Variants in RAP1GAP2 observed in about 807,000 individuals in gnomAD.
The protein encoded by RAP1GAP2 is RAP1 GTPase activating protein 2.
Under a neutral mutation model 95.0 loss-of-function variants are expected in RAP1GAP2, and 27 were observed. The ratio of observed to expected loss-of-function variants is 0.28; its 90% CI spans 0.21 to 0.39. The LOEUF (loss-of-function observed/expected upper bound fraction) is 0.39, where lower values mean the gene tolerates loss of function less well. Ranked by LOEUF, RAP1GAP2 falls within the 10% of genes least tolerant of loss-of-function variation. The probability of loss-of-function intolerance (pLI) is 1.00; values close to 1 mark genes in which losing one functional copy is unlikely to be tolerated. For synonymous variants in RAP1GAP2, 373 were observed against 380.9 expected (o/e 0.98, Z 0.24); for missense variants, 771 against 970.0 (o/e 0.79, Z 2.72).
intron 19 of RAP1GAP2, among the ~76,000 whole-genome samples, chr17:3,021,573 C>T (rs1555602824): frequency 6.6e-6 from 1 of 151,852 alleles, no homozygotes; most frequent in Non-Finnish European, 1.5e-5. Flanking sequence ...GCAGCTGGGA[C>T]TACAGGCGCA....
intron 2 of RAP1GAP2, among the ~76,000 whole-genome samples, chr17:2,832,430 C>T (rs568264108): frequency 2.1e-5 from 3 of 145,126 alleles, no homozygotes; most frequent in East Asian, 4.2e-4. Context: ...TTGTGGCGGG[C>T]ACCTGTAGTC....
intron 1 of RAP1GAP2, among the ~76,000 whole-genome samples, chr17:2,764,502 C>G (rs1417300504): frequency 1.3e-5 from 2 of 151,934 alleles, no homozygotes; most frequent in Non-Finnish European, 2.9e-5. Flanking sequence ...GCGGGTGGAT[C>G]ATGAGGTCAG....
At chr17:2,853,023 C>A (rs2151598125) in intron 2 of RAP1GAP2, among the ~76,000 whole-genome samples, 1 of 151,930 alleles carries the variant, frequency 6.6e-6, no homozygotes, top group Middle Eastern at 3.4e-3. Flanking sequence ...GGGCGCCCGG[C>A]CCGCCAGGAG....
chr17:3,031,122 T>A, intron 23 of RAP1GAP2, 124 bp downstream of exon 23: 1 of 1,051,400 alleles, frequency 9.5e-7, no homozygotes, highest in Non-Finnish European at 1.4e-6. Context: ...CAGGGGAAGC[T>A]CTGGGGACGT....
intron 1 of RAP1GAP2, among the ~76,000 whole-genome samples, chr17:2,789,796 A>G (rs1005801333): frequency 6.6e-6 from 1 of 150,968 alleles, no homozygotes; most frequent in East Asian, 1.9e-4. Flanking sequence ...AAAAAAAAAA[A>G]AAAAAAGTAA....
intron 2 of RAP1GAP2, among the ~76,000 whole-genome samples, chr17:2,833,671 C>G (rs1361749867): frequency 2.4e-5 from 3 of 125,350 alleles, no homozygotes; most frequent in African/African-American, 9.1e-5. Context: ...ACCTGGGAGA[C>G]ACAGCGAGAC....
At chr17:2,874,771 TGTATA>T (rs1318420132) in intron 2 of RAP1GAP2, among the ~76,000 whole-genome samples, 1 of 152,134 alleles carries the variant, frequency 6.6e-6, no homozygotes, top group African/African-American at 2.4e-5. Flanking sequence ...TCTGCTCTCC[TGTATA>T]GCAGAAGTTC....
At chr17:2,921,786 G>A (rs2042788731) in intron 3 of RAP1GAP2, among the ~76,000 whole-genome samples, 1 of 152,150 alleles carries the variant, frequency 6.6e-6, no homozygotes, top group South Asian at 2.1e-4. Context: ...GTTCCCGCCA[G>A]AGGCTCGAGG....
At position 3,018,191 on chromosome 17, in the gene RAP1GAP2, C is replaced by G; in HGVS notation, c.1625C>G (p.Thr542Ser). 6.4e-7 allele frequency: 1 copy of G among 1,569,408 alleles called. No homozygotes were observed. The highest frequency in any genetic ancestry group is 8.6e-7 in the Non-Finnish European group (1 of 1,158,106). ...SHNSMEVTKT[T>S]FSPPVVAATV... Reference sequence around the variant, plus strand: ...AACAGCATGGAGGTCACCAAGACCACCTTCTCGGTGAGTGCTGGCAGGCCC... The same window carrying G: ...AACAGCATGGAGGTCACCAAGACCAGCTTCTCGGTGAGTGCTGGCAGGCCC... Residue 542 changes from threonine to serine, a missense_variant, in exon 18 of 25, where the codon ACC becomes AGC. Transcript: ENST00000254695.
At chr17:2,920,808 A>G (rs757242345) in intron 3 of RAP1GAP2, among the ~76,000 whole-genome samples, 5 of 152,154 alleles carry the variant, frequency 3.3e-5, no homozygotes, top group Middle Eastern at 3.2e-3. Context: ...CAACTGCCAT[A>G]GACTCTACTC....
chr17:2,785,672 A>T (rs1182513539), intron 1 of RAP1GAP2, among the ~76,000 whole-genome samples: 1 of 152,168 alleles, frequency 6.6e-6, no homozygotes, highest in Non-Finnish European at 1.5e-5. Flanking sequence ...TAAAAAGGCC[A>T]AGAATTTCTT....
chr17:2,844,230 C>A (rs1237963496), intron 2 of RAP1GAP2, among the ~76,000 whole-genome samples: 2 of 152,046 alleles, frequency 1.3e-5, no homozygotes, highest in Non-Finnish European at 2.9e-5. Flanking sequence ...CCATTTTAAC[C>A]AGGATGGTCT....
Position 3,008,919 on chromosome 17 carries a change from C to A in RAP1GAP2, c.1494+774C>A, listed in dbSNP as rs113104540. Reference sequence around the variant, plus strand: ...GGGACAGGATGAGAGACGCCACAGGCCTGCTCAGGTCCTTACACCGAGGCA... The same window carrying A: ...GGGACAGGATGAGAGACGCCACAGGACTGCTCAGGTCCTTACACCGAGGCA... On this transcript the variant is annotated intron_variant, in intron 17 of 24. Transcript: ENST00000254695. This position sits in a 1 kb window ranked among gnomAD's most constrained non-coding sequence, Gnocchi z 4.2. Among the ~76,000 whole-genome samples, 266 of 152,240 alleles carry A rather than the reference C, an allele frequency of 1.7e-3. 1 individual carries two copies. Among genetic ancestry groups the A allele is most frequent in the African/African-American group, 6.1e-3 (255 of 41,532 alleles).
chr17:2,961,984 C>T (rs2151483707), intron 4 of RAP1GAP2, among the ~76,000 whole-genome samples: 1 of 151,252 alleles, frequency 6.6e-6, no homozygotes, highest in South Asian at 2.1e-4. Context: ...CTCACTGCAA[C>T]CTCTGCCTCC....
chr17:2,898,337 C>T (rs2041908805), intron 2 of RAP1GAP2, among the ~76,000 whole-genome samples: 1 of 152,214 alleles, frequency 6.6e-6, no homozygotes, highest in African/African-American at 2.4e-5. Context: ...AACAGGTGCG[C>T]AACACCTGCT....
At chr17:3,002,270 C>CT (rs2046186969) in intron 14 of RAP1GAP2, among the ~76,000 whole-genome samples, 1 of 152,154 alleles carries the variant, frequency 6.6e-6, no homozygotes, top group South Asian at 2.1e-4. Context: ...TGTCTTTACT[C>CT]TTTCTTCTAA....
In RAP1GAP2 at chr17:2,904,133, G is replaced by C. The variant is rs7503243; in HGVS notation, c.81-1151G>C. ...GTTGGGGGCTTTGACGGCTCAGCCC[G>C]GCCCTCTTCGGCTTTTAATACGGTT... On this transcript the variant is annotated intron_variant, in intron 2 of 24. Transcript: ENST00000254695. This position sits in a 1 kb window ranked among gnomAD's most constrained non-coding sequence, Gnocchi z 4.7. Among the ~76,000 whole-genome samples, 1 of 152,112 alleles carries C rather than the reference G, an allele frequency of 6.6e-6. No individual in the cohort carries two copies. The highest frequency in any genetic ancestry group is 2.4e-5 in the African/African-American group (1 of 41,422).
At chr17:2,819,310 A>G (rs1224096107) in intron 2 of RAP1GAP2, among the ~76,000 whole-genome samples, 2 of 142,806 alleles carry the variant, frequency 1.4e-5, no homozygotes, top group African/African-American at 5.2e-5. Flanking sequence ...GTGAGCCACC[A>G]TGCCTTGCTT....
chr17:2,833,558 CG>C (rs2070997201), intron 2 of RAP1GAP2, among the ~76,000 whole-genome samples: 1 of 151,484 alleles, frequency 6.6e-6, no homozygotes, highest in Admixed American at 6.6e-5. Flanking sequence ...GGTGTGTTGG[CG>C]GGCGCCTGTA....
Sources: gnomAD v4.1 joint callset for allele counts (sites outside exome capture counted in the v4.1 genomes callset) on GRCh38, gnomAD v4.1.1 for gene constraint, Gnocchi (gnomAD v3.1) non-coding constraint, MANE v1.5 for transcripts, NCBI Gene and HGNC (gene_info 2026-07-23, HGNC 2026-07-21) for gene names.